MRTFB: variants seen among roughly 807,000 people sequenced by gnomAD.
The protein encoded by MRTFB is myocardin-related transcription factor B.
In MRTFB, 29 loss-of-function variants were observed where a neutral mutation model predicts 104.2. The observed-to-expected ratio is 0.28, with a 90% CI of 0.21 to 0.38. MRTFB has a LOEUF of 0.38. MRTFB is among the 10% of genes least tolerant of loss of function. The pLI, the probability that MRTFB is intolerant of heterozygous loss-of-function variation, is 1.00. For missense variants in MRTFB, 1,270 were observed against 1,341.6 expected (o/e 0.95, Z 0.83); for synonymous variants, 535 against 519.5 (o/e 1.03, Z -0.41).
intron 2 of MRTFB, 59 bp from the exon 3 acceptor site, chr16:14,140,485 T>A: frequency 7.9e-7 from 1 of 1,259,826 alleles, no homozygotes; most frequent in Non-Finnish European, 1.1e-6. Flanking sequence ...TTTAATACTT[T>A]TGTGCAAATT....
chr16:14,181,008 C>T (rs1193253969), intron 3 of MRTFB, among the ~76,000 whole-genome samples: 2 of 152,002 alleles, frequency 1.3e-5, no homozygotes, highest in African/African-American at 2.4e-5. Flanking sequence ...TATGAAACAG[C>T]GGTTTTCATA....
intron 2 of MRTFB, among the ~76,000 whole-genome samples, chr16:14,082,008 A>T (rs2034442508): frequency 6.6e-6 from 1 of 152,130 alleles, no homozygotes. Context: ...TTCACTGTGG[A>T]TTGCTTTCTT....
At chr16:14,055,350 T>C in the MRTFB span, among the ~76,000 whole-genome samples, 4 of 152,166 alleles carry the variant, frequency 2.6e-5, no homozygotes, top group African/African-American at 9.6e-5. Flanking sequence ...AAACTCCGTC[T>C]CAAAAGAAGA....
At chr16:14,222,276 T>G (rs2041760966) in intron 8 of MRTFB, among the ~76,000 whole-genome samples, 1 of 152,210 alleles carries the variant, frequency 6.6e-6, no homozygotes, top group Non-Finnish European at 1.5e-5. Flanking sequence ...TATTTATTAC[T>G]CATTTTGTGC....
At chr16:14,142,950 T>G (rs935799964) in intron 3 of MRTFB, 2 of 152,204 alleles carry the variant, frequency 1.3e-5, no homozygotes, top group African/African-American at 4.8e-5. Context: ...TGCAATAATG[T>G]AGAAGGATTG....
At chr16:14,250,588 C>G (rs1030255251) in intron 13 of MRTFB, among the ~76,000 whole-genome samples, 1 of 152,136 alleles carries the variant, frequency 6.6e-6, no homozygotes, top group Non-Finnish European at 1.5e-5. Context: ...GTGACCACAG[C>G]AGGTTGAGGT....
At chr16:14,023,624 T>TACATAC in the MRTFB span, among the ~76,000 whole-genome samples, 1 of 58,960 alleles carries the variant, frequency 1.7e-5, no homozygotes, top group African/African-American at 5.3e-5. Context: ...CATATACATA[T>TACATAC]ACATATACAT....
intron 2 of MRTFB, among the ~76,000 whole-genome samples, chr16:14,087,033 A>G (rs754567450): frequency 1.4e-4 from 21 of 152,186 alleles, no homozygotes; most frequent in Non-Finnish European, 2.6e-4. Context: ...CATATACAGA[A>G]TTTGTAGCAG....
rs187841284 is a variant in MRTFB at position 14,082,247 on chromosome 16, C to G, written c.-64+2893C>G. On this transcript the variant is annotated intron_variant, in intron 2 of 16. Coordinates refer to ENST00000571589, the MANE Select transcript of MRTFB (RefSeq NM_001308142.2). Reference sequence around the variant, plus strand: ...CGTGAGATAAAGGTCTGATTTCATTCTCCTGCATGTGGGTATCCAGTTTTG... The same window carrying G: ...CGTGAGATAAAGGTCTGATTTCATTGTCCTGCATGTGGGTATCCAGTTTTG... 1.5e-3 allele frequency among the ~76,000 whole-genome samples: 226 copies of G among 152,266 alleles called. 1 individual carries two copies. The highest frequency in any genetic ancestry group is 3.4e-4 in the Non-Finnish European group (23 of 68,022).
the MRTFB span, among the ~76,000 whole-genome samples, chr16:14,012,297 T>C: frequency 7.4e-6 from 1 of 135,064 alleles, no homozygotes; most frequent in Non-Finnish European, 1.5e-5. Context: ...TTTTCTTTCT[T>C]TCTTTTTTTT....
At chr16:14,131,568 C>T (rs1316704903) in intron 2 of MRTFB, among the ~76,000 whole-genome samples, 1 of 151,928 alleles carries the variant, frequency 6.6e-6, no homozygotes, top group Non-Finnish European at 1.5e-5. Context: ...ATCTGGTATC[C>T]ATTAGACTTA....
At chr16:14,184,222 AT>A (rs561797213) in intron 3 of MRTFB, among the ~76,000 whole-genome samples, 13,195 of 134,852 alleles carry the variant, frequency 0.098, 1,285 homozygotes, top group African/African-American at 0.28. Context: ...AAAGTATTTG[AT>A]TTTTTTTTTT....
At chr16:14,000,974 T>TG in the MRTFB span, among the ~76,000 whole-genome samples, 50 of 152,262 alleles carry the variant, frequency 3.3e-4, 1 homozygote, top group Admixed American at 6.5e-5. Flanking sequence ...GCCAGGCCCT[T>TG]GGCCTGTGCC....
intron 1 of MRTFB, among the ~76,000 whole-genome samples, chr16:14,073,725 A>C (rs721043): frequency 0.055 from 8,377 of 152,314 alleles, 360 homozygotes; most frequent in African/African-American, 0.12. Context: ...AGTCTTAGTT[A>C]AGTATAATCT....
chr16:14,064,968 A>G, the MRTFB span, among the ~76,000 whole-genome samples: 1 of 152,182 alleles, frequency 6.6e-6, no homozygotes, highest in Non-Finnish European at 1.5e-5. Context: ...TGTGAATTTT[A>G]GAATAGTTTT....
chr16:14,240,797 G>A (rs1597352694), intron 10 of MRTFB: 1 of 752,600 alleles, frequency 1.3e-6, no homozygotes, highest in Non-Finnish European at 2.4e-6. Flanking sequence ...AAAAGCGTAA[G>A]TAGTATAATA....
chr16:14,228,551 G>A (rs1028584777), intron 8 of MRTFB, among the ~76,000 whole-genome samples: 31 of 151,794 alleles, frequency 2.0e-4, no homozygotes, highest in African/African-American at 7.0e-4. Context: ...ACTCCAGCCT[G>A]GGCAACAGAG....
the MRTFB span, among the ~76,000 whole-genome samples, chr16:14,051,491 ACAAT>A: frequency 4.6e-5 from 7 of 152,218 alleles, no homozygotes; most frequent in South Asian, 2.1e-4. Context: ...ACATACAGAC[ACAAT>A]CAAAGACATA....
rs753762721 is a variant in MRTFB, at chr16:14,085,188, GCCCACGCCTGTAAT to G, written c.-64+5839_-64+5852del. On this transcript the variant is annotated intron_variant, in intron 2 of 16. Coordinates refer to ENST00000571589, the MANE Select transcript of MRTFB (RefSeq NM_001308142.2). ...ATACATCTTCTGGCCAGGTGTGGTG[GCCCACGCCTGTAAT>G]CCCAGCACTTTGGGTGGCTGAGATG... 8.8e-4 allele frequency among the ~76,000 whole-genome samples: 134 copies of G among 152,170 alleles called. 2 individuals carry two copies. The highest frequency in any genetic ancestry group is 6.8e-3 in the Middle Eastern group (2 of 294).
Sources: gnomAD v4.1 joint callset for allele counts (sites outside exome capture counted in the v4.1 genomes callset) on GRCh38, gnomAD v4.1.1 for gene constraint, MANE v1.5 for transcripts, NCBI Gene and HGNC (gene_info 2026-07-23, HGNC 2026-07-21) for gene names.